Variants in HIPK2 observed in about 807,000 individuals in gnomAD.
HIPK2 encodes the protein homeodomain-interacting protein kinase 2.
In HIPK2, 27 loss-of-function variants were observed where a neutral mutation model predicts 113.7. The observed-to-expected ratio is 0.24, with a 90% CI of 0.17 to 0.33. The LOEUF (loss-of-function observed/expected upper bound fraction) is 0.33. Ranked by LOEUF, HIPK2 falls within the 10% of genes least tolerant of loss-of-function variation. The pLI is 1.00. For missense variants in HIPK2, 1,257 were observed against 1,588.0 expected (o/e 0.79, Z 3.54); for synonymous variants, 631 against 642.2 (o/e 0.98, Z 0.26).
At chr7:139,679,278 GC>G (rs1802614270) in intron 2 of HIPK2, among the ~76,000 whole-genome samples, 1 of 152,116 alleles carries the variant, frequency 6.6e-6, no homozygotes, top group Admixed American at 6.6e-5. Context: ...TTTCTAAAGG[GC>G]CTTAAACCCA....
At position 139,568,749 on chromosome 7, in the gene HIPK2, C is replaced by G. The variant is rs970447719; in HGVS notation, c.*4178G>C. On this transcript the variant is annotated 3_prime_UTR_variant, in exon 15 of 15. Transcript: ENST00000406875. Reference sequence around the variant, plus strand: ...TGCTAAGGTGACTCAATGGCAGATTCGGCCAGGTATGCAATTGGGCATCCA... The same window carrying G: ...TGCTAAGGTGACTCAATGGCAGATTGGGCCAGGTATGCAATTGGGCATCCA... 1 of 152,250 alleles carries G rather than the reference C, an allele frequency of 6.6e-6. No homozygotes were observed. Among genetic ancestry groups the G allele is most frequent in the Admixed American group, 6.5e-5 (1 of 15,276 alleles). The allele number at this position is 152,250 out of a possible 1,614,324, so 9.4% of individuals were successfully genotyped here.
In HIPK2 at chr7:139,736,467, C is replaced by T. The variant is rs372221588; in HGVS notation, c.20-19452G>A. Among the ~76,000 whole-genome samples, 112 of 152,266 alleles carry T rather than the reference C, an allele frequency of 7.4e-4. No homozygotes were observed. In the South Asian group the frequency reaches 0.014, roughly 19 times the overall value. On this transcript the variant is annotated intron_variant, in intron 1 of 14. Transcript: ENST00000406875. ...AGTGTCAGGGTGGCCAAGGTGCTTC[C>T]CTGAGGGAACTCCCACAGCAGGACG... is the stretch of plus-strand genomic sequence containing the variant.
At chr7:139,620,827 T>C (rs556409266) in intron 6 of HIPK2, among the ~76,000 whole-genome samples, 1 of 152,364 alleles carries the variant, frequency 6.6e-6, no homozygotes, top group East Asian at 1.9e-4. Context: ...ACAACAAAAC[T>C]GACTGCTCAC....
At chr7:139,654,060 G>A (rs543585100) in intron 2 of HIPK2, among the ~76,000 whole-genome samples, 1 of 152,280 alleles carries the variant, frequency 6.6e-6, no homozygotes, top group East Asian at 1.9e-4. Context: ...ACAGAGACAG[G>A]TTTGTGTATG....
intron 9 of HIPK2, among the ~76,000 whole-genome samples, chr7:139,612,308 T>C (rs1799862473): frequency 6.6e-6 from 1 of 152,186 alleles, no homozygotes; most frequent in Non-Finnish European, 1.5e-5. Flanking sequence ...ACCTACCTTA[T>C]TTAAAAATAA....
intron 2 of HIPK2, among the ~76,000 whole-genome samples, chr7:139,667,244 AC>A (rs1199960374): frequency 6.6e-6 from 1 of 152,198 alleles, no homozygotes; most frequent in African/African-American, 2.4e-5. Context: ...AATCAAGTCC[AC>A]CAATTATTAA....
chr7:139,638,656 C>CTTTTTTTTTTTTTTTTTT (rs1184555180), intron 2 of HIPK2, among the ~76,000 whole-genome samples: 28 of 130,242 alleles, frequency 2.1e-4, no homozygotes, highest in African/African-American at 8.5e-4. Flanking sequence ...AAATAATTGT[C>CTTTTTTTTTTTTTTTTTT]TTTTTTTTTT....
At chr7:139,691,736 C>T (rs1471991869) in intron 2 of HIPK2, among the ~76,000 whole-genome samples, 11 of 152,198 alleles carry the variant, frequency 7.2e-5, no homozygotes, top group Admixed American at 2.0e-4. Flanking sequence ...CCTGGCTCTG[C>T]GTCCAGGGAC....
intron 1 of HIPK2, among the ~76,000 whole-genome samples, chr7:139,732,710 C>T (rs1201753084): frequency 6.6e-6 from 1 of 151,092 alleles, no homozygotes; most frequent in Admixed American, 6.6e-5. Context: ...AATCATATTT[C>T]ATAGGGTCCT....
In HIPK2 at chr7:139,725,564, T is replaced by G. The variant is rs1268191539; in HGVS notation, c.20-8549A>C. Reference sequence around the variant, plus strand: ...CTAGTTATCCAGAATTGTCATCTTCTGATAACTTCTATCTTCTAGAAGTAA... The same window carrying G: ...CTAGTTATCCAGAATTGTCATCTTCGGATAACTTCTATCTTCTAGAAGTAA... On this transcript the variant is annotated intron_variant, in intron 1 of 14. Transcript: ENST00000406875. Among the ~76,000 whole-genome samples, 4 of 152,358 alleles carry G rather than the reference T, an allele frequency of 2.6e-5. No individual in the cohort carries two copies. The East Asian group carries it at 7.7e-4, about 29-fold the overall frequency.
At chr7:139,776,557 T>C (rs1796754611) in intron 1 of HIPK2, among the ~76,000 whole-genome samples, 1 of 152,118 alleles carries the variant, frequency 6.6e-6, no homozygotes, top group African/African-American at 2.4e-5. Flanking sequence ...ACACAAACCC[T>C]GTCCCCTCTC....
At chr7:139,604,594 T>A (rs1799554596) in intron 9 of HIPK2, among the ~76,000 whole-genome samples, 1 of 139,260 alleles carries the variant, frequency 7.2e-6, no homozygotes, top group Non-Finnish European at 1.5e-5. Flanking sequence ...GGCAGGAGAA[T>A]GGCATGAACC....
intron 1 of HIPK2, among the ~76,000 whole-genome samples, chr7:139,749,714 A>C (rs140785457): frequency 5.1e-4 from 78 of 152,266 alleles, no homozygotes; most frequent in African/African-American, 1.7e-3. Flanking sequence ...ACCATTTCCT[A>C]ATACTGCCTC....
At chr7:139,590,539 C>A (rs1424583004) in intron 12 of HIPK2, among the ~76,000 whole-genome samples, 1 of 152,076 alleles carries the variant, frequency 6.6e-6, no homozygotes, top group African/African-American at 2.4e-5. Flanking sequence ...CTTCTTTTAC[C>A]CTTCTGATTT....
chr7:139,749,977 A>G (rs999419258), intron 1 of HIPK2, among the ~76,000 whole-genome samples: 18 of 152,154 alleles, frequency 1.2e-4, no homozygotes, highest in African/African-American at 3.9e-4. Context: ...AACATTCCTG[A>G]CAGCTGGGAG....
intron 2 of HIPK2, among the ~76,000 whole-genome samples, chr7:139,713,973 G>T (rs1284404526): frequency 6.6e-6 from 1 of 152,220 alleles, no homozygotes; most frequent in East Asian, 1.9e-4. Context: ...TGGAGACAAG[G>T]AGAGGCTTCT....
intron 12 of HIPK2, among the ~76,000 whole-genome samples, chr7:139,585,624 T>G (rs184564036): frequency 2.3e-4 from 35 of 152,264 alleles, no homozygotes; most frequent in Non-Finnish European, 4.4e-5. Flanking sequence ...AAAAGGTAGG[T>G]AATAATTGTA....
rs541515646 is a variant in HIPK2, at chr7:139,776,874, T to C, written c.19+731A>G. On this transcript the variant is annotated intron_variant, in intron 1 of 14. Coordinates refer to ENST00000406875, the MANE Select transcript of HIPK2 (RefSeq NM_022740.5). ...CTACTGCTTTTCTGCCTTGCGTTCT[T>C]TTCTTTCTTGCTAAAGGCAGTCAAA... 9.2e-5 allele frequency among the ~76,000 whole-genome samples: 14 copies of C among 152,322 alleles called. No individual in the cohort carries two copies. The South Asian group carries it at 2.9e-3, about 32-fold the overall frequency.
rs369451257 is a variant in HIPK2, at chr7:139,714,692, C to G, written c.1103+1240G>C. 6.6e-6 allele frequency among the ~76,000 whole-genome samples: 1 copy of G among 152,218 alleles called. No individual in the cohort carries two copies. The highest frequency in any genetic ancestry group is 2.4e-5 in the African/African-American group (1 of 41,462). ...CCCCGGTCTTCCTGCCTACGTGGCACGCTCTTAAATGTGCATCCGTCCCAT... is the reference window on the plus strand; with the variant it reads ...CCCCGGTCTTCCTGCCTACGTGGCAGGCTCTTAAATGTGCATCCGTCCCAT... On this transcript the variant is annotated intron_variant, in intron 2 of 14. Coordinates refer to ENST00000406875, the MANE Select transcript of HIPK2 (RefSeq NM_022740.5). This position sits in a 1 kb window ranked among gnomAD's most constrained non-coding sequence, Gnocchi z 4.2.
Sources: allele counts gnomAD v4.1 joint callset (sites outside exome capture counted in the v4.1 genomes callset), GRCh38; gene constraint gnomAD v4.1.1; non-coding constraint Gnocchi (gnomAD v3.1); transcripts MANE v1.5; gene names NCBI Gene and HGNC (gene_info 2026-07-23, HGNC 2026-07-21).